FAM222A: variants seen among roughly 807,000 people sequenced by gnomAD.
FAM222A encodes the protein protein FAM222A.
FAM222A carries 7 observed loss-of-function variants against 25.8 expected under a neutral mutation model. The ratio of observed to expected loss-of-function variants is 0.27; its 90% CI spans 0.15 to 0.51. The LOEUF (loss-of-function observed/expected upper bound fraction) is 0.51, where lower values mean the gene tolerates loss of function less well. Among genes scored for constraint, FAM222A ranks in the 20% least tolerant of loss-of-function variants. The pLI is 0.97. For missense variants in FAM222A, 573 were observed against 640.5 expected, an observed-to-expected ratio of 0.89 and a Z score of 1.14; for synonymous variants, 294 against 298.8, an observed-to-expected ratio of 0.98 and a Z score of 0.17.
Position 109,735,364 on chromosome 12 carries a change from T to C in FAM222A, c.-46-8737T>C, listed in dbSNP as rs57433453. 5.0e-3 allele frequency among the ~76,000 whole-genome samples: 765 copies of C among 152,344 alleles called. 7 individuals carry two copies. Among genetic ancestry groups the C allele is most frequent in the African/African-American group, 0.018 (741 of 41,580 alleles). Reference sequence around the variant, plus strand: ...TTCCTCGTGGGTACAACGCCAATCATGTCTTTCTCCCGGTTGTGGCGTGGG... The same window carrying C: ...TTCCTCGTGGGTACAACGCCAATCACGTCTTTCTCCCGGTTGTGGCGTGGG... On this transcript the variant is annotated intron_variant, in intron 1 of 2. Coordinates refer to ENST00000538780, the MANE Select transcript of FAM222A (RefSeq NM_032829.3).
At chr12:109,755,039 C>T (rs1888679671) in intron 2 of FAM222A, among the ~76,000 whole-genome samples, 1 of 152,136 alleles carries the variant, frequency 6.6e-6, no homozygotes, top group Non-Finnish European at 1.5e-5. Context: ...ATTCTAGATA[C>T]AAGTCCCATA....
intron 1 of FAM222A, among the ~76,000 whole-genome samples, chr12:109,718,501 CG>C (rs1428565970): frequency 2.0e-5 from 3 of 152,144 alleles, no homozygotes. Context: ...GGGCTCGGGG[CG>C]GGGGTGAGAA....
chr12:109,721,044 A>G (rs1887736645), intron 1 of FAM222A, among the ~76,000 whole-genome samples: 1 of 152,246 alleles, frequency 6.6e-6, no homozygotes, highest in Non-Finnish European at 1.5e-5. Context: ...GGACACTGGT[A>G]TCTGCTGTGT....
intron 2 of FAM222A, among the ~76,000 whole-genome samples, chr12:109,745,903 G>T (rs1888386554): frequency 6.6e-6 from 1 of 150,520 alleles, no homozygotes; most frequent in Non-Finnish European, 1.5e-5. Flanking sequence ...TTATCTCCTT[G>T]GCTCCTTTTT....
chr12:109,764,750 CTG>C (rs961878227), intron 2 of FAM222A, among the ~76,000 whole-genome samples: 12 of 152,188 alleles, frequency 7.9e-5, no homozygotes, highest in African/African-American at 2.9e-4. Flanking sequence ...ATTATAGCAA[CTG>C]CTGATTTATG....
Position 109,768,730 on chromosome 12 carries a change from G to C in FAM222A, c.801G>C (p.Leu267Phe), listed in dbSNP as rs1418914428. ...TGGGCCAGGGAGCCACCCAAGCCTT[G>C]ACGTTGGCTGGGGCCGCCAAGCCTG... ...TELGQGATQA[L>F]TLAGAAKPAG... Residue 267 changes from leucine to phenylalanine, a missense_variant, in exon 3 of 3, where the codon TTG becomes TTC. This residue lies in a region of FAM222A where 412 missense variants were observed against 407.0 expected (regional missense o/e 1.01). Transcript: ENST00000538780. 3.8e-6 allele frequency: 6 copies of C among 1,579,092 alleles called. No individual in the cohort carries two copies. The highest frequency in any genetic ancestry group is 3.6e-4 in the Middle Eastern group (2 of 5,556).
chr12:109,742,181 A>G (rs1888260185), intron 1 of FAM222A: 1 of 152,326 alleles, frequency 6.6e-6, no homozygotes, highest in African/African-American at 2.4e-5. Context: ...AGTGCAGAGG[A>G]ACATGCCATG....
chr12:109,748,127 T>A (rs1368422435), intron 2 of FAM222A, among the ~76,000 whole-genome samples: 1 of 152,212 alleles, frequency 6.6e-6, no homozygotes, highest in Non-Finnish European at 1.5e-5. Context: ...TCAGTGTTTA[T>A]GATCACATTT....
At chr12:109,715,484 G>A (rs1045288894) in intron 1 of FAM222A, among the ~76,000 whole-genome samples, 15 of 152,192 alleles carry the variant, frequency 9.9e-5, no homozygotes, top group Non-Finnish European at 1.5e-4. Flanking sequence ...TGGGGTTGCC[G>A]TGGCAACACC....
In FAM222A at chr12:109,744,101, G is replaced by A. The variant is rs765188526; in HGVS notation, c.-46G>A. ...AGAGCACCCCATCTTCCTCCTGCAG[G>A]GACCCAGTCGCAGAGCGCACCCCAC... is the stretch of plus-strand genomic sequence containing the variant. On this transcript the variant is annotated splice_region_variant and 5_prime_UTR_variant, in exon 2 of 3. Transcript: ENST00000538780. 107 of 1,600,020 alleles carry A rather than the reference G, an allele frequency of 6.7e-5. No homozygotes were observed. The highest frequency in any genetic ancestry group is 1.8e-4 in the Middle Eastern group (1 of 5,586).
At chr12:109,730,549 G>T (rs1237362928) in intron 1 of FAM222A, among the ~76,000 whole-genome samples, 1 of 152,164 alleles carries the variant, frequency 6.6e-6, no homozygotes, top group Admixed American at 6.5e-5. Context: ...AAGAAGCTCA[G>T]ATACTCCTTT....
At chr12:109,749,340 A>G (rs780919237) in intron 2 of FAM222A, among the ~76,000 whole-genome samples, 1 of 152,296 alleles carries the variant, frequency 6.6e-6, no homozygotes, top group South Asian at 2.1e-4. Flanking sequence ...TCCCGGCCTC[A>G]GGTGATTTGC....
chr12:109,714,095 G>T lies in FAM222A; in HGVS notation c.-849G>T, dbSNP rs1887588100. On this transcript the variant is annotated 5_prime_UTR_variant, in exon 1 of 3. Coordinates refer to ENST00000538780, the MANE Select transcript of FAM222A (RefSeq NM_032829.3). This position sits in a 1 kb window ranked among gnomAD's most constrained non-coding sequence, Gnocchi z 4.2. ...CTGCGGCTTGCGAGCTCGCACACCC[G>T]GTGCACAGTCCCCCGGGCCGTCCTC... 1.3e-5 allele frequency: 2 copies of T among 152,776 alleles called. No homozygotes were observed. The highest frequency in any genetic ancestry group is 2.9e-5 in the Non-Finnish European group (2 of 68,104). The allele number at this position is 152,776 out of a possible 1,614,324, so 9.5% of individuals were successfully genotyped here.
intron 1 of FAM222A, among the ~76,000 whole-genome samples, chr12:109,726,757 C>T (rs1363733096): frequency 3.3e-5 from 5 of 152,162 alleles, no homozygotes; most frequent in East Asian, 1.9e-4. Flanking sequence ...GGCCTGGGTC[C>T]GCCTGGCTTC....
At chr12:109,737,611 C>T (rs1888121963) in intron 1 of FAM222A, among the ~76,000 whole-genome samples, 1 of 151,862 alleles carries the variant, frequency 6.6e-6, no homozygotes, top group East Asian at 1.9e-4. Flanking sequence ...AGGTAAAAAT[C>T]CCCTTCTGGT....
chr12:109,750,479 A>G (rs1224173380), intron 2 of FAM222A, among the ~76,000 whole-genome samples: 3 of 152,182 alleles, frequency 2.0e-5, no homozygotes, highest in African/African-American at 4.8e-5. Flanking sequence ...AAAAACTAGG[A>G]TATCAGTCTA....
intron 2 of FAM222A, among the ~76,000 whole-genome samples, chr12:109,761,906 T>G (rs1888908810): frequency 6.6e-6 from 1 of 152,050 alleles, no homozygotes; most frequent in African/African-American, 2.4e-5. Context: ...GCCTGCCGGT[T>G]TGCAGTGCAC....
At chr12:109,755,748 G>A (rs1888710231) in intron 2 of FAM222A, among the ~76,000 whole-genome samples, 1 of 152,222 alleles carries the variant, frequency 6.6e-6, no homozygotes, top group Admixed American at 6.5e-5. Flanking sequence ...TTCTCCTATT[G>A]AGTTGTTTTG....
intron 1 of FAM222A, among the ~76,000 whole-genome samples, chr12:109,738,679 T>C (rs116817853): frequency 4.9e-4 from 75 of 152,364 alleles, no homozygotes; most frequent in Middle Eastern, 6.8e-3. Flanking sequence ...TTGTCCCTGC[T>C]CGAGATTCTA....
Sources: gnomAD v4.1 joint callset for allele counts (sites outside exome capture counted in the v4.1 genomes callset) on GRCh38, gnomAD v4.1.1 for gene constraint, gnomAD v4.1.1 regional missense constraint, Gnocchi (gnomAD v3.1) non-coding constraint, MANE v1.5 for transcripts, NCBI Gene and HGNC (gene_info 2026-07-23, HGNC 2026-07-21) for gene names.